MSLN: variants seen among roughly 807,000 people sequenced by gnomAD.
The protein encoded by MSLN is mesothelin.
Under a neutral mutation model 72.6 loss-of-function variants are expected in MSLN, and 82 were observed. The observed-to-expected ratio is 1.13, with a 90% confidence interval of 0.94 to 1.36. The LOEUF is 1.36. MSLN is among the 40% of genes most tolerant of loss of function. The probability of loss-of-function intolerance (pLI) is 0.00; values close to 1 mark genes in which losing one functional copy is unlikely to be tolerated. For synonymous variants in MSLN, 456 were observed against 387.3 expected (o/e 1.18, Z -2.08); for missense variants, 1,005 against 847.9 (o/e 1.19, Z -2.30).
Position 768,405 on chromosome 16 carries a change from A to G in MSLN, c.1623A>G (p.Lys541=). The change falls in exon 17 of 18, where the codon AAA becomes AAG. Residue 541 remains lysine, a synonymous_variant. Transcript: ENST00000545450. ...CGTTGACTGTGGCTGAGGTGCAGAAACTTCTGGGACCCCACGTGGAGGGCC... is the reference window on the plus strand; with the variant it reads ...CGTTGACTGTGGCTGAGGTGCAGAAGCTTCTGGGACCCCACGTGGAGGGCC... ...VLPLTVAEVQ[K]LLGPHVEGLK... 4.6e-6 allele frequency: 7 copies of G among 1,508,318 alleles called. No individual in the cohort carries two copies. The highest frequency in any genetic ancestry group is 6.2e-6 in the Non-Finnish European group (7 of 1,127,062). 93.4% of individuals were successfully genotyped at this position (1,508,318 alleles called of 1,614,324 possible). A position where few individuals can be genotyped will look rare whatever the true frequency, so the allele number is the denominator to read the frequency against.
Position 764,679 on chromosome 16 carries a change from C to G in MSLN, c.333C>G (p.Pro111=), listed in dbSNP as rs1362781975. 6.2e-7 allele frequency: 1 copy of G among 1,612,512 alleles called. No homozygotes were observed. Among genetic ancestry groups the G allele is most frequent in the East Asian group, 2.2e-5 (1 of 44,876 alleles). The part of the protein sequence containing the change: ...LRCLAHRLSE[P]PEDLDALPLD... ...GTCTGGCTCACCGGCTCTCTGAGCC[C>G]CCCGAGGACCTGGACGCCCTCCCAT... The change falls in exon 7 of 18, where the codon CCC becomes CCG. Residue 111 remains proline (P), a synonymous_variant. Transcript: ENST00000545450.
chr16:766,195 C>A lies in MSLN; in HGVS notation c.1032C>A (p.Phe344Leu). Residue 344 changes from phenylalanine to leucine, a missense_variant, in exon 12 of 18, where the codon TTC becomes TTA. Coordinates refer to ENST00000545450, the MANE Select transcript of MSLN (RefSeq NM_005823.6). Reference protein sequence around the residue: ...TQMDRVNAIPFTYEQLDVLKH... With the variant: ...TQMDRVNAIPLTYEQLDVLKH... ...TGGACCGCGTGAACGCCATCCCCTT[C>A]ACCTACGAGCAGCTGGACGTCCTAA... is the stretch of plus-strand genomic sequence containing the variant. 1 of 1,612,132 alleles carries A rather than the reference C, an allele frequency of 6.2e-7. No individual in the cohort carries two copies. The highest frequency in any genetic ancestry group is 1.1e-5 in the South Asian group (1 of 91,082).
chr16:763,294 G>A lies in MSLN; in HGVS notation c.129+18G>A. The A allele has an allele frequency of 3.9e-6, 6 of 1,537,332 alleles. No homozygotes were observed. The highest frequency in any genetic ancestry group is 5.3e-6 in the Non-Finnish European group (6 of 1,141,400). On this transcript the variant is annotated intron_variant, in intron 4 of 17. Coordinates refer to ENST00000545450, the MANE Select transcript of MSLN (RefSeq NM_005823.6). ...CAGGGCAGGTAAGGTCCCCTCTGGG[G>A]AAACAGGGGAGGGTCTTCAGGTCCC... is the stretch of plus-strand genomic sequence containing the variant.
chr16:764,516 G>A, intron 6 of MSLN, 131 bp from the exon 7 acceptor site: 1 of 864,184 alleles, frequency 1.2e-6, no homozygotes, highest in Non-Finnish European at 2.0e-6. Context: ...CAGGCGGCCA[G>A]AGATCCACTT....
intron 3 of MSLN, 53 bp downstream of exon 3, chr16:762,818 G>C: frequency 7.0e-7 from 1 of 1,426,396 alleles, no homozygotes; most frequent in South Asian, 1.4e-5. Flanking sequence ...GGGGCCTTGG[G>C]GGCCAGGCCC....
chr16:765,458 C>G (rs1188481398), intron 9 of MSLN, 69 bp from the exon 10 acceptor site: 7 of 1,474,672 alleles, frequency 4.7e-6, no homozygotes, highest in Non-Finnish European at 6.4e-6. Context: ...CCAGGGGGTA[C>G]GGCCTGGCCT....
intron 4 of MSLN, 50 bp from the exon 5 acceptor site, chr16:763,592 T>G: frequency 6.5e-7 from 1 of 1,539,494 alleles, no homozygotes; most frequent in Non-Finnish European, 8.8e-7. Context: ...TGGGAACTCC[T>G]GCTCCAGAGA....
At position 766,131 on chromosome 16, in the gene MSLN, T is replaced by C. The variant is rs911649618; in HGVS notation, c.968T>C (p.Leu323Pro). The C allele has an allele frequency of 6.8e-6, 11 of 1,612,624 alleles. No homozygotes were observed. In the African/African-American group the frequency reaches 1.3e-4, roughly 20 times the overall value. The change falls in exon 12 of 18, where the codon CTG becomes CCG. Residue 323 changes from leucine (L) to proline (P), a missense_variant. Leu to Pro is a moderately conservative substitution (Grantham distance 98). Coordinates refer to ENST00000545450, the MANE Select transcript of MSLN (RefSeq NM_005823.6). Reference sequence around the variant, plus strand: ...CTCATCTTCTACAAGAAGTGGGAGCTGGAAGCCTGCGTGGATGCGGCCCTG... The same window carrying C: ...CTCATCTTCTACAAGAAGTGGGAGCCGGAAGCCTGCGTGGATGCGGCCCTG... ...ESLIFYKKWELEACVDAALLA... is the reference protein window; with the variant it reads ...ESLIFYKKWEPEACVDAALLA...
At position 765,764 on chromosome 16, in the gene MSLN, G is replaced by C. The variant is rs768490001; in HGVS notation, c.869G>C (p.Arg290Pro). The C allele has an allele frequency of 6.2e-7, 1 of 1,600,256 alleles. No individual in the cohort carries two copies. ...SWRQPERTIL[R>P]PRFRREVEKT... is the part of the protein sequence containing the mutation. ...CGGCAGCCTGAACGGACCATCCTCCGGCCGCGGTTCCGGCGGGAAGTGGAG... is the reference window on the plus strand; with the variant it reads ...CGGCAGCCTGAACGGACCATCCTCCCGCCGCGGTTCCGGCGGGAAGTGGAG... Residue 290 changes from arginine (R) to proline (P), a missense_variant, in exon 11 of 18, where the codon CGG (arginine) becomes CCG (proline). Arg to Pro is a moderately radical substitution (Grantham distance 103). Coordinates refer to ENST00000545450, the MANE Select transcript of MSLN (RefSeq NM_005823.6).
intron 3 of MSLN, 86 bp downstream of exon 3, chr16:762,851 T>C: frequency 8.6e-7 from 1 of 1,164,192 alleles, no homozygotes; most frequent in South Asian, 1.5e-5. Context: ...TGCCTGCCCC[T>C]GCCTTCTCCC....
intron 16 of MSLN, 78 bp from the exon 17 acceptor site, chr16:768,301 C>T (rs1051855629): frequency 2.1e-6 from 3 of 1,421,892 alleles, no homozygotes; most frequent in Non-Finnish European, 2.8e-6. Context: ...GCAGTTTGGA[C>T]ACAGGAGAGC....
intron 5 of MSLN, among the ~76,000 whole-genome samples, 158 bp from the exon 6 acceptor site, chr16:763,865 A>T (rs895079416): frequency 1.1e-3 from 22 of 19,442 alleles, no homozygotes; most frequent in Admixed American, 0.011. Context: ...GGTGATGGCA[A>T]CTCCCGGCCC....
rs566010506 is a variant in MSLN, at chr16:768,481, C to T, written c.1699C>T (p.Arg567Trp). The T allele has an allele frequency of 1.7e-5, 27 of 1,573,106 alleles. No homozygotes were observed. In the East Asian group the frequency reaches 1.8e-4, roughly 11 times the overall value. The change falls in exon 17 of 18, where the codon CGG (arginine) becomes TGG (tryptophan). Residue 567 changes from arginine (R) to tryptophan (W), a missense_variant. Coordinates refer to ENST00000545450, the MANE Select transcript of MSLN (RefSeq NM_005823.6). ...RPVRDWILRQ[R>W]QDDLDTLGLG... The stretch of plus-strand genomic sequence containing the variant: ...GGTGCGGGACTGGATCCTACGGCAG[C>T]GGCAGGACGACCTGGACACGCTGGG...
At position 765,195 on chromosome 16, in the gene MSLN, A is replaced by T. The variant is rs771983403; in HGVS notation, c.596A>T (p.Glu199Val). The T allele has an allele frequency of 3.7e-5, 59 of 1,592,796 alleles. No individual in the cohort carries two copies. The highest frequency in any genetic ancestry group is 6.8e-6 in the Non-Finnish European group (8 of 1,175,396). ...GACCTGCCTGGGCGCTTTGTGGCCG[A>T]GTCGGCCGAAGTGCTGCTACCCCGG... Reference protein sequence around the residue: ...ACDLPGRFVAESAEVLLPRLV... With the variant: ...ACDLPGRFVAVSAEVLLPRLV... The change falls in exon 9 of 18, where the codon GAG becomes GTG. Residue 199 changes from glutamate (E) to valine (V), a missense_variant. Coordinates refer to ENST00000545450, the MANE Select transcript of MSLN (RefSeq NM_005823.6).
At position 766,105 on chromosome 16, in the gene MSLN, C is replaced by T. The variant is rs770327344; in HGVS notation, c.942C>T (p.Ser314=). 3 of 1,612,650 alleles carry T rather than the reference C, an allele frequency of 1.9e-6. No homozygotes were observed. In the East Asian group the frequency reaches 6.7e-5, roughly 36 times the overall value. ...SGKKAREIDE[S]LIFYKKWELE... is the part of the protein sequence containing the mutation. ...AGAAGGCCCGCGAGATAGACGAGAGCCTCATCTTCTACAAGAAGTGGGAGC... is the reference window on the plus strand; with the variant it reads ...AGAAGGCCCGCGAGATAGACGAGAGTCTCATCTTCTACAAGAAGTGGGAGC... Residue 314 remains serine, a synonymous_variant, in exon 12 of 18, where the codon AGC becomes AGT. Transcript: ENST00000545450.
Position 763,684 on chromosome 16 carries a change from A to G in MSLN, c.172A>G (p.Ile58Val). 1 of 1,394,288 alleles carries G rather than the reference A, an allele frequency of 7.2e-7. No homozygotes were observed. Among genetic ancestry groups the G allele is most frequent in the Non-Finnish European group, 9.4e-7 (1 of 1,067,040 alleles). The allele number at this position is 1,394,288 out of a possible 1,614,324, so 86.4% of individuals were successfully genotyped here. A position where few individuals can be genotyped will look rare whatever the true frequency, so the allele number is the denominator to read the frequency against. Residue 58 changes from isoleucine (I) to valine (V), a missense_variant, in exon 5 of 18, where the codon ATT becomes GTT. Coordinates refer to ENST00000545450, the MANE Select transcript of MSLN (RefSeq NM_005823.6). ...LDGVLANPPN[I>V]SSLSPRQLLG... ...CGGAGTCCTGGCCAACCCACCTAAC[A>G]TTTCCAGGTGGGTCTGGGGTCCTCA...
chr16:761,930 C>T (rs569802201), intron 2 of MSLN, among the ~76,000 whole-genome samples: 41 of 152,326 alleles, frequency 2.7e-4, no homozygotes, highest in African/African-American at 8.9e-4. Flanking sequence ...AGTGTAGAAG[C>T]CAGTTCCCTC....
At chr16:768,589 G>A in intron 17 of MSLN, 24 bp downstream of exon 17, 2 of 1,609,786 alleles carry the variant, frequency 1.2e-6, no homozygotes, top group South Asian at 1.1e-5. Context: ...CCAGGCCAGG[G>A]CTGGGGGCAG....
Position 768,415 on chromosome 16 carries a change from C to T in MSLN, c.1633C>T (p.Pro545Ser). The T allele has an allele frequency of 2.6e-6, 4 of 1,512,544 alleles. No individual in the cohort carries two copies. The highest frequency in any genetic ancestry group is 2.7e-6 in the Non-Finnish European group (3 of 1,128,916). The allele number at this position is 1,512,544 out of a possible 1,614,324, so 93.7% of individuals were successfully genotyped here. A position where few individuals can be genotyped will look rare whatever the true frequency, so the allele number is the denominator to read the frequency against. Reference sequence around the variant, plus strand: ...GGCTGAGGTGCAGAAACTTCTGGGACCCCACGTGGAGGGCCTGAAGGCGGA... The same window carrying T: ...GGCTGAGGTGCAGAAACTTCTGGGATCCCACGTGGAGGGCCTGAAGGCGGA... ...TVAEVQKLLG[P>S]HVEGLKAEER... The change falls in exon 17 of 18, where the codon CCC (proline) becomes TCC (serine). Residue 545 changes from proline (P) to serine (S), a missense_variant. Pro to Ser is a moderately conservative substitution (Grantham distance 74). Transcript: ENST00000545450.
Sources: gnomAD v4.1 joint callset for allele counts (sites outside exome capture counted in the v4.1 genomes callset) on GRCh38, gnomAD v4.1.1 for gene constraint, MANE v1.5 for transcripts, NCBI Gene and HGNC (gene_info 2026-07-23, HGNC 2026-07-21) for gene names.